MSRA: variants seen among roughly 807,000 people sequenced by gnomAD.
MSRA encodes the protein mitochondrial peptide methionine sulfoxide reductase.
A neutral mutation model predicts 31.3 loss-of-function variants in MSRA; 54 were observed. The ratio of observed to expected loss-of-function variants is 1.73; its 90% CI spans 1.39 to 2.17. MSRA has a LOEUF of 2.17. Among genes scored for constraint, MSRA ranks in the 30% most tolerant of loss-of-function variants. The pLI is 0.00. For missense variants in MSRA, 507 were observed against 300.9 expected (o/e 1.69, Z -5.07); for synonymous variants, 169 against 116.5 (o/e 1.45, Z -2.90).
chr8:10,224,178 A>G (rs565310412), intron 2 of MSRA, among the ~76,000 whole-genome samples: 1 of 152,294 alleles, frequency 6.6e-6, no homozygotes, highest in East Asian at 1.9e-4. Context: ...CCACCAAACC[A>G]GTTCTTTTTG....
chr8:10,083,430 G>C (rs1367376481), intron 1 of MSRA, among the ~76,000 whole-genome samples: 3 of 152,102 alleles, frequency 2.0e-5, no homozygotes, highest in African/African-American at 4.8e-5. Context: ...ATCTGATTTT[G>C]ATCCAAATAT....
At chr8:10,279,015 G>C (rs999965719) in intron 3 of MSRA, among the ~76,000 whole-genome samples, 1 of 152,122 alleles carries the variant, frequency 6.6e-6, no homozygotes, top group African/African-American at 2.4e-5. Flanking sequence ...ATTGCCCCGT[G>C]ATGGTTATTT....
intron 5 of MSRA, among the ~76,000 whole-genome samples, chr8:10,343,056 C>G (rs866089404): frequency 6.8e-6 from 1 of 147,252 alleles, no homozygotes; most frequent in African/African-American, 2.6e-5. Context: ...CACACACAGA[C>G]ACACACACAC....
chr8:10,158,478 T>G (rs1804361131), intron 1 of MSRA, among the ~76,000 whole-genome samples: 1 of 152,254 alleles, frequency 6.6e-6, no homozygotes, highest in Non-Finnish European at 1.5e-5. Context: ...AGATAATATG[T>G]GGCCTATTGG....
chr8:10,177,485 C>T (rs1806156929), intron 1 of MSRA, among the ~76,000 whole-genome samples: 1 of 151,480 alleles, frequency 6.6e-6, no homozygotes, highest in South Asian at 2.1e-4. Context: ...GAGCTGGCTT[C>T]ATGAGTGTGT....
At chr8:10,088,556 G>A (rs892531158) in intron 1 of MSRA, among the ~76,000 whole-genome samples, 5 of 152,128 alleles carry the variant, frequency 3.3e-5, no homozygotes, top group Admixed American at 2.0e-4. Context: ...CCAACATGGC[G>A]AAACCCCATC....
intron 1 of MSRA, among the ~76,000 whole-genome samples, chr8:10,078,402 C>T (rs921379042): frequency 6.6e-6 from 1 of 152,194 alleles, no homozygotes; most frequent in Non-Finnish European, 1.5e-5. Context: ...GAGGTGGGTC[C>T]TGTAGGCTCA....
intron 3 of MSRA, among the ~76,000 whole-genome samples, chr8:10,259,886 T>C (rs1013290971): frequency 7.2e-5 from 11 of 152,220 alleles, no homozygotes; most frequent in Non-Finnish European, 1.3e-4. Flanking sequence ...ACTCGGGCTC[T>C]GCCCGCCTCA....
chr8:10,139,122 C>T (rs531774449), intron 1 of MSRA, among the ~76,000 whole-genome samples: 145 of 152,192 alleles, frequency 9.5e-4, no homozygotes, highest in South Asian at 2.5e-3. Flanking sequence ...TGGAAAATGC[C>T]GAAGAATACT....
chr8:10,343,048 CACACAG>C (rs60239539), intron 5 of MSRA, among the ~76,000 whole-genome samples: 11,240 of 75,102 alleles, frequency 0.15, 482 homozygotes, highest in East Asian at 0.25. Context: ...CACACACACA[CACACAG>C]ACACACACAC....
At chr8:10,219,222 C>G (rs1810266541) in intron 2 of MSRA, among the ~76,000 whole-genome samples, 1 of 152,170 alleles carries the variant, frequency 6.6e-6, no homozygotes. Context: ...GGCCATTTCA[C>G]CTGGAGCGCT....
intron 3 of MSRA, among the ~76,000 whole-genome samples, chr8:10,278,316 T>C (rs1193778239): frequency 6.6e-6 from 1 of 152,162 alleles, no homozygotes; most frequent in East Asian, 1.9e-4. Flanking sequence ...CTTGACCTGG[T>C]TCTGTCACTG....
chr8:10,229,724 A>T (rs889265119), intron 2 of MSRA, among the ~76,000 whole-genome samples: 2 of 152,194 alleles, frequency 1.3e-5, no homozygotes, highest in African/African-American at 2.4e-5. Context: ...AGGGTTAGAG[A>T]GTACAGAGAA....
intron 1 of MSRA, among the ~76,000 whole-genome samples, chr8:10,183,696 A>C (rs980786611): frequency 1.3e-5 from 2 of 151,688 alleles, no homozygotes; most frequent in East Asian, 3.9e-4. Flanking sequence ...CTGGAAGCCC[A>C]GGCCTAGATA....
chr8:10,341,593 G>C (rs1803430591), intron 5 of MSRA, among the ~76,000 whole-genome samples: 1 of 152,154 alleles, frequency 6.6e-6, no homozygotes, highest in Middle Eastern at 3.2e-3. Context: ...GCTGGGCTTG[G>C]ACATCTCAAG....
intron 2 of MSRA, among the ~76,000 whole-genome samples, chr8:10,213,527 C>G (rs28687017): frequency 0.013 from 1,995 of 149,970 alleles, 48 homozygotes; most frequent in African/African-American, 0.046. Flanking sequence ...ACCTCCGCCT[C>G]CTGAGTTCAA....
At chr8:10,220,102 T>C (rs1447053815) in intron 2 of MSRA, among the ~76,000 whole-genome samples, 1 of 152,192 alleles carries the variant, frequency 6.6e-6, no homozygotes, top group Non-Finnish European at 1.5e-5. Context: ...CCTACATTCT[T>C]ATGTACAGAG....
intron 1 of MSRA, among the ~76,000 whole-genome samples, chr8:10,077,847 A>T (rs969370464): frequency 5.3e-5 from 8 of 152,022 alleles, no homozygotes; most frequent in African/African-American, 1.9e-4. Context: ...GGTCCCATTT[A>T]CTCATCCCCG....
chr8:10,271,928 G>A (rs1190883083), intron 3 of MSRA, among the ~76,000 whole-genome samples: 1 of 152,030 alleles, frequency 6.6e-6, no homozygotes, highest in Non-Finnish European at 1.5e-5. Flanking sequence ...GGCTGGTCTC[G>A]AACTCTCAAC....
Sources: allele counts gnomAD v4.1 joint callset (sites outside exome capture counted in the v4.1 genomes callset), GRCh38; gene constraint gnomAD v4.1.1; transcripts MANE v1.5; gene names NCBI Gene and HGNC (gene_info 2026-07-23, HGNC 2026-07-21).